Variants in LRMDA observed in about 807,000 individuals in gnomAD.
LRMDA encodes leucine rich melanocyte differentiation associated.
LRMDA carries 18 observed loss-of-function variants against 29.8 expected under a neutral mutation model. That is an observed-to-expected ratio of 0.60 (90% CI 0.42 to 0.90). The LOEUF (loss-of-function observed/expected upper bound fraction) is 0.90, where lower values mean the gene tolerates loss of function less well. Ranked by LOEUF, LRMDA falls within the 40% of genes least tolerant of loss-of-function variation. The pLI is 0.00. For synonymous variants in LRMDA, 125 were observed against 109.4 expected (o/e 1.14, Z -0.89); for missense variants, 273 against 273.9 (o/e 1.00, Z 0.02).
intron 5 of LRMDA, among the ~76,000 whole-genome samples, chr10:76,240,383 G>A (rs1460054208): frequency 6.7e-6 from 1 of 149,044 alleles, no homozygotes; most frequent in African/African-American, 2.5e-5. Flanking sequence ...CCCGCAAGAA[G>A]GGCCATAATA....
intron 2 of LRMDA, among the ~76,000 whole-genome samples, chr10:75,787,553 A>G (rs1452016924): frequency 6.6e-6 from 1 of 151,334 alleles, no homozygotes; most frequent in East Asian, 1.9e-4. Context: ...TCTCCTCCAG[A>G]CCCCCCGCCC....
chr10:76,115,452 G>T (rs1247119897), intron 5 of LRMDA, among the ~76,000 whole-genome samples: 1 of 152,204 alleles, frequency 6.6e-6, no homozygotes, highest in Non-Finnish European at 1.5e-5. Context: ...GTGTTGATAG[G>T]CATCAGACAC....
intron 5 of LRMDA, among the ~76,000 whole-genome samples, chr10:76,105,616 T>A (rs938376980): frequency 8.7e-4 from 132 of 152,210 alleles, no homozygotes; most frequent in African/African-American, 3.1e-3. Context: ...AGCCAAGACA[T>A]GCCTGAAGCC....
intron 5 of LRMDA, among the ~76,000 whole-genome samples, chr10:76,149,714 C>A (rs1850401695): frequency 6.6e-6 from 1 of 152,174 alleles, no homozygotes; most frequent in Non-Finnish European, 1.5e-5. Flanking sequence ...GCCTAAAACT[C>A]CACAATTACT....
At chr10:75,738,067 T>C (rs894675474) in intron 2 of LRMDA, among the ~76,000 whole-genome samples, 11 of 152,230 alleles carry the variant, frequency 7.2e-5, no homozygotes, top group Non-Finnish European at 1.6e-4. Flanking sequence ...ACTTCCACTT[T>C]TGTGTCCTTG....
chr10:76,064,363 GTCC>G (rs966495507), intron 5 of LRMDA, among the ~76,000 whole-genome samples: 1 of 152,150 alleles, frequency 6.6e-6, no homozygotes, highest in African/African-American at 2.4e-5. Context: ...TGGTACTGGA[GTCC>G]TCCTTCTTTC....
chr10:75,730,505 G>A (rs986558585), intron 2 of LRMDA, among the ~76,000 whole-genome samples: 2 of 152,228 alleles, frequency 1.3e-5, no homozygotes, highest in African/African-American at 2.4e-5. Context: ...ACTGATGAGC[G>A]CGTCATATGA....
At chr10:76,023,451 G>A (rs1848011365) in intron 2 of LRMDA, among the ~76,000 whole-genome samples, 1 of 152,084 alleles carries the variant, frequency 6.6e-6, no homozygotes, top group Admixed American at 6.6e-5. Flanking sequence ...GGCCATCTGA[G>A]GGTTAGGGAT....
intron 6 of LRMDA, among the ~76,000 whole-genome samples, chr10:76,473,013 A>G (rs561228689): frequency 3.2e-4 from 49 of 151,782 alleles, no homozygotes; most frequent in African/African-American, 1.2e-3. Flanking sequence ...ATACTTCCCA[A>G]TTTATTCTCT....
At chr10:75,795,175 C>T (rs944165424) in intron 2 of LRMDA, among the ~76,000 whole-genome samples, 4 of 152,088 alleles carry the variant, frequency 2.6e-5, no homozygotes, top group African/African-American at 9.7e-5. Flanking sequence ...GCAGGTGGAT[C>T]ACGAGGTCAG....
At chr10:75,806,575 G>C (rs1398341541) in intron 2 of LRMDA, among the ~76,000 whole-genome samples, 1 of 151,560 alleles carries the variant, frequency 6.6e-6, no homozygotes, top group African/African-American at 2.4e-5. Context: ...TAATGCAACA[G>C]TACCACCAGA....
chr10:75,655,855 A>G (rs1002096623), intron 2 of LRMDA, among the ~76,000 whole-genome samples: 4 of 152,088 alleles, frequency 2.6e-5, no homozygotes, highest in African/African-American at 7.2e-5. Context: ...GTTTGGTTCA[A>G]ACGTGTGTGG....
intron 6 of LRMDA, among the ~76,000 whole-genome samples, chr10:76,412,560 A>G (rs1221265858): frequency 1.3e-5 from 2 of 152,188 alleles, no homozygotes; most frequent in East Asian, 1.9e-4. Flanking sequence ...TCTAGGTGAG[A>G]TGATGGTGTA....
chr10:76,342,410 G>A (rs1210322931), intron 6 of LRMDA, among the ~76,000 whole-genome samples: 2 of 151,940 alleles, frequency 1.3e-5, no homozygotes, highest in Non-Finnish European at 2.9e-5. Flanking sequence ...ATAGCTTGAA[G>A]TACATATATT....
At chr10:76,493,498 C>T (rs1330895410) in intron 6 of LRMDA, among the ~76,000 whole-genome samples, 1 of 152,034 alleles carries the variant, frequency 6.6e-6, no homozygotes, top group African/African-American at 2.4e-5. Flanking sequence ...TTATCCTTTG[C>T]TTATTGAATT....
At chr10:75,573,252 T>C (rs1342666107) in intron 2 of LRMDA, among the ~76,000 whole-genome samples, 2 of 152,248 alleles carry the variant, frequency 1.3e-5, no homozygotes, top group Non-Finnish European at 2.9e-5. Context: ...TACATATCAA[T>C]GTGTGGATTT....
chr10:76,382,216 A>G (rs1841601545), intron 6 of LRMDA, among the ~76,000 whole-genome samples: 1 of 152,204 alleles, frequency 6.6e-6, no homozygotes, highest in Admixed American at 6.5e-5. Flanking sequence ...TACACACACA[A>G]GCACACAAAG....
chr10:75,927,177 A>C (rs552088120), intron 2 of LRMDA, among the ~76,000 whole-genome samples: 1 of 152,302 alleles, frequency 6.6e-6, no homozygotes, highest in African/African-American at 2.4e-5. Context: ...CAGAAGCAGC[A>C]CAAGCCAACT....
chr10:75,754,357 T>C (rs1348755310), intron 2 of LRMDA, among the ~76,000 whole-genome samples: 1 of 152,224 alleles, frequency 6.6e-6, no homozygotes, highest in Non-Finnish European at 1.5e-5. Flanking sequence ...AGAGTTCATG[T>C]TCTCAAAAAA....
Sources: gnomAD v4.1 joint callset for allele counts (sites outside exome capture counted in the v4.1 genomes callset) on GRCh38, gnomAD v4.1.1 for gene constraint, MANE v1.5 for transcripts, NCBI Gene and HGNC (gene_info 2026-07-23, HGNC 2026-07-21) for gene names.